The following CHN2 variants were observed in gnomAD, a reference collection of about 807,000 sequenced individuals.
The protein encoded by CHN2 is beta-chimaerin.
CHN2 carries 35 observed loss-of-function variants against 56.3 expected under a neutral mutation model. The ratio of observed to expected loss-of-function variants is 0.62; its 90% confidence interval spans 0.47 to 0.82. CHN2 has a LOEUF of 0.82. Ranked by LOEUF, CHN2 falls within the 40% of genes least tolerant of loss-of-function variation. CHN2 has a pLI of 0.00. For synonymous variants in CHN2, 210 were observed against 212.8 expected (o/e 0.99, Z 0.12); for missense variants, 491 against 580.5 (o/e 0.85, Z 1.58).
chr7:29,492,802 T>C (rs1420135), intron 7 of CHN2, among the ~76,000 whole-genome samples: 43,033 of 152,146 alleles, frequency 0.28, 6,246 homozygotes, highest in Admixed American at 0.34. Context: ...AGGTTGCTAA[T>C]GACTTCCATG....
intron 5 of CHN2, 182 bp from the exon 6 acceptor site, chr7:29,400,361 G>A (rs1203478694): frequency 1.4e-5 from 9 of 626,682 alleles, no homozygotes; most frequent in Non-Finnish European, 2.6e-5. Context: ...GGTAAGACAG[G>A]CATAACCATT....
intron 6 of CHN2, among the ~76,000 whole-genome samples, chr7:29,434,322 G>A (rs531284617): frequency 6.6e-6 from 1 of 152,024 alleles, no homozygotes; most frequent in African/African-American, 2.4e-5. Flanking sequence ...CCCCTTGTCA[G>A]TTTCATCAGG....
intron 1 of CHN2, among the ~76,000 whole-genome samples, chr7:29,232,070 G>T (rs1786758419): frequency 6.6e-6 from 1 of 152,126 alleles, no homozygotes; most frequent in Non-Finnish European, 1.5e-5. Context: ...AGCAGAAAGG[G>T]CACGCTTTGA....
At chr7:29,288,621 A>G (rs1792342165) in intron 1 of CHN2, among the ~76,000 whole-genome samples, 1 of 152,222 alleles carries the variant, frequency 6.6e-6, no homozygotes, top group African/African-American at 2.4e-5. Context: ...TGAGAATAGC[A>G]GCAGTGGCTC....
At chr7:29,232,285 TTTCA>T (rs1043288722) in intron 1 of CHN2, among the ~76,000 whole-genome samples, 4 of 130,078 alleles carry the variant, frequency 3.1e-5, no homozygotes, top group Non-Finnish European at 6.9e-5. Context: ...TTACTCTTTC[TTTCA>T]GTCTTCCTTT....
intron 2 of CHN2, among the ~76,000 whole-genome samples, chr7:29,152,331 G>A (rs2687634): frequency 0.06 from 9,098 of 152,188 alleles, 670 homozygotes; most frequent in East Asian, 0.18. Context: ...CCTTGATTCT[G>A]AGACAGCTAC....
At chr7:29,474,314 AT>A (rs1562636441) in intron 6 of CHN2, among the ~76,000 whole-genome samples, 1 of 152,120 alleles carries the variant, frequency 6.6e-6, no homozygotes, top group Non-Finnish European at 1.5e-5. Flanking sequence ...GCTTTTTCAC[AT>A]TTCTTGATAT....
intron 2 of CHN2, among the ~76,000 whole-genome samples, chr7:29,182,850 C>T (rs574824038): frequency 6.6e-6 from 1 of 152,120 alleles, no homozygotes; most frequent in East Asian, 1.9e-4. Context: ...GTGTTAATCC[C>T]GTTTTTGCCC....
intron 6 of CHN2, among the ~76,000 whole-genome samples, chr7:29,402,310 A>G (rs150250263): frequency 0.012 from 1,833 of 152,352 alleles, 41 homozygotes; most frequent in South Asian, 0.052. Context: ...CCATGAAAAT[A>G]TAATTTGCCA....
chr7:29,509,954 A>C (rs1791105722), intron 12 of CHN2, among the ~76,000 whole-genome samples: 1 of 152,078 alleles, frequency 6.6e-6, no homozygotes. Context: ...AGGTGAAGGC[A>C]GGATCCCAGG....
intron 1 of CHN2, among the ~76,000 whole-genome samples, chr7:29,256,876 G>A (rs984529987): frequency 1.3e-5 from 2 of 152,172 alleles, no homozygotes; most frequent in South Asian, 4.1e-4. Context: ...CCTTGTATTA[G>A]CAAGGAGTTC....
intron 12 of CHN2, among the ~76,000 whole-genome samples, chr7:29,511,704 CACATTTTAATTATATTTTCCT>C (rs1189540726): frequency 4.6e-5 from 4 of 87,010 alleles, no homozygotes; most frequent in African/African-American, 1.5e-4. Context: ...ACAACCTAAA[CACATTTTAATTATATTTTCCT>C]AAACACATTT....
At chr7:29,390,549 T>C (rs1184288763) in intron 3 of CHN2, among the ~76,000 whole-genome samples, 1 of 152,248 alleles carries the variant, frequency 6.6e-6, no homozygotes, top group Admixed American at 6.5e-5. Context: ...TTAAGTTGCC[T>C]GATTTTAACA....
chr7:29,506,637 A>T (rs1000691599), intron 10 of CHN2, among the ~76,000 whole-genome samples: 5 of 152,186 alleles, frequency 3.3e-5, no homozygotes, highest in Non-Finnish European at 7.3e-5. Context: ...ATTCTGTCTC[A>T]CACACACAAA....
chr7:29,502,252 C>A (rs1478647187), intron 9 of CHN2, among the ~76,000 whole-genome samples: 1 of 152,088 alleles, frequency 6.6e-6, no homozygotes, highest in East Asian at 1.9e-4. Context: ...AGGAGCAGTC[C>A]AGGAATAGTC....
At chr7:29,470,415 T>G (rs1416391118) in intron 6 of CHN2, among the ~76,000 whole-genome samples, 1 of 152,254 alleles carries the variant, frequency 6.6e-6, no homozygotes. Context: ...AGGACTATTT[T>G]GTTTGGGTGA....
chr7:29,346,029 G>GT (rs1482842125), intron 1 of CHN2, among the ~76,000 whole-genome samples: 2 of 152,156 alleles, frequency 1.3e-5, no homozygotes, highest in East Asian at 3.9e-4. Context: ...CCCAAGCAGA[G>GT]TTTCCAAAGA....
intron 1 of CHN2, among the ~76,000 whole-genome samples, chr7:29,210,186 A>G (rs1402329347): frequency 6.6e-6 from 1 of 152,174 alleles, no homozygotes. Context: ...TGTGTAAATC[A>G]GTTACACTCA....
At chr7:29,174,506 G>A (rs1797018243) in intron 2 of CHN2, among the ~76,000 whole-genome samples, 2 of 152,306 alleles carry the variant, frequency 1.3e-5, no homozygotes, top group South Asian at 4.1e-4. Context: ...CACAAAGCAG[G>A]ATGGAACATG....
Sources: allele counts gnomAD v4.1 joint callset (sites outside exome capture counted in the v4.1 genomes callset), GRCh38; gene constraint gnomAD v4.1.1; transcripts MANE v1.5; gene names NCBI Gene and HGNC (gene_info 2026-07-23, HGNC 2026-07-21).